Variants in CADM2 observed in about 807,000 individuals in gnomAD.
CADM2 encodes immunoglobulin superfamily member 4D.
CADM2 carries 12 observed loss-of-function variants against 49.8 expected under a neutral mutation model. The ratio of observed to expected loss-of-function variants is 0.24; its 90% CI spans 0.15 to 0.39. CADM2 has a LOEUF of 0.39. Ranked by LOEUF, CADM2 falls within the 10% of genes least tolerant of loss-of-function variation. CADM2 has a pLI of 1.00. For missense variants in CADM2, 378 were observed against 492.3 expected (o/e 0.77, Z 2.20); for synonymous variants, 214 against 175.4 (o/e 1.22, Z -1.74).
At chr3:85,818,223 C>T (rs146305519) in intron 3 of CADM2, among the ~76,000 whole-genome samples, 96 of 152,104 alleles carry the variant, frequency 6.3e-4, no homozygotes, top group African/African-American at 2.3e-3. Flanking sequence ...GGGGGAAAGA[C>T]CTAAGTGAGG....
At chr3:85,558,806 C>T (rs2062021698) in intron 1 of CADM2, among the ~76,000 whole-genome samples, 1 of 151,958 alleles carries the variant, frequency 6.6e-6, no homozygotes, top group Non-Finnish European at 1.5e-5. Flanking sequence ...TAAAGCATCT[C>T]GTTCATTTGG....
At chr3:85,669,546 C>A (rs1028056152) in intron 1 of CADM2, among the ~76,000 whole-genome samples, 1 of 152,074 alleles carries the variant, frequency 6.6e-6, no homozygotes, top group Non-Finnish European at 1.5e-5. Flanking sequence ...GAATGAAGAG[C>A]AATGTGTGTT....
intron 1 of CADM2, among the ~76,000 whole-genome samples, chr3:85,305,996 T>A (rs1253315213): frequency 1.3e-5 from 2 of 151,676 alleles, no homozygotes; most frequent in East Asian, 3.9e-4. Context: ...CATTATGCAG[T>A]GCCTTATACC....
chr3:85,877,682 C>CTTTTTTTT (rs1181629793), intron 3 of CADM2, among the ~76,000 whole-genome samples: 1 of 78,744 alleles, frequency 1.3e-5, no homozygotes, highest in African/African-American at 6.2e-5. Context: ...TTTTTTTCTT[C>CTTTTTTTT]TGTTTTTTTT....
At chr3:84,968,509 G>A (rs2031181444) in intron 1 of CADM2, among the ~76,000 whole-genome samples, 1 of 152,022 alleles carries the variant, frequency 6.6e-6, no homozygotes, top group South Asian at 2.1e-4. Flanking sequence ...GTTTCTGAAG[G>A]CAATTATATA....
At chr3:85,910,892 A>G (rs574044096) in intron 5 of CADM2, among the ~76,000 whole-genome samples, 6 of 152,176 alleles carry the variant, frequency 3.9e-5, no homozygotes, top group African/African-American at 1.2e-4. Flanking sequence ...CATACTTCTG[A>G]AATAAGTGAA....
At chr3:85,726,570 A>T (rs531529010) in intron 2 of CADM2, 22 bp downstream of exon 2, 1 of 1,585,096 alleles carries the variant, frequency 6.3e-7, no homozygotes, top group Non-Finnish European at 8.7e-7. Context: ...TTTATTCTGC[A>T]TGAGTCATCA....
intron 3 of CADM2, among the ~76,000 whole-genome samples, chr3:85,872,958 A>C (rs1029655461): frequency 1.3e-5 from 2 of 152,176 alleles, no homozygotes; most frequent in African/African-American, 4.8e-5. Flanking sequence ...AAAATACCAC[A>C]GACTGGGTAA....
chr3:85,439,410 A>G (rs890988384), intron 1 of CADM2, among the ~76,000 whole-genome samples: 1 of 151,152 alleles, frequency 6.6e-6, no homozygotes, highest in Non-Finnish European at 1.5e-5. Context: ...GCCTCGGCCT[A>G]TCAAAGTGCT....
At chr3:85,697,082 GCCATATATATATAT>G (rs1175435754) in intron 1 of CADM2, among the ~76,000 whole-genome samples, 1 of 141,092 alleles carries the variant, frequency 7.1e-6, no homozygotes, top group South Asian at 2.2e-4. Flanking sequence ...ATATATATAT[GCCATATATATATAT>G]GCCATATATA....
At chr3:85,164,397 A>G (rs1462054228) in intron 1 of CADM2, among the ~76,000 whole-genome samples, 1 of 152,080 alleles carries the variant, frequency 6.6e-6, no homozygotes, top group Admixed American at 6.6e-5. Flanking sequence ...GAGAATTGTG[A>G]AAGATGTGTG....
intron 1 of CADM2, among the ~76,000 whole-genome samples, chr3:85,157,374 A>G (rs528234378): frequency 2.0e-5 from 3 of 151,864 alleles, no homozygotes; most frequent in South Asian, 2.1e-4. Context: ...AAGAGCCCGC[A>G]TCGCCAAGTC....
At chr3:85,573,276 T>G (rs1167134506) in intron 1 of CADM2, among the ~76,000 whole-genome samples, 2 of 151,972 alleles carry the variant, frequency 1.3e-5, no homozygotes, top group African/African-American at 4.8e-5. Flanking sequence ...CACTACAATC[T>G]CTGCTTCCCG....
At chr3:85,728,220 G>T (rs2067784041) in intron 2 of CADM2, among the ~76,000 whole-genome samples, 1 of 152,136 alleles carries the variant, frequency 6.6e-6, no homozygotes, top group Admixed American at 6.5e-5. Flanking sequence ...TATAATGCAA[G>T]CATATTTCTG....
At chr3:85,713,449 C>T (rs796219756) in intron 1 of CADM2, among the ~76,000 whole-genome samples, 11 of 152,136 alleles carry the variant, frequency 7.2e-5, no homozygotes, top group African/African-American at 2.7e-4. Context: ...CGTGCCTAGC[C>T]TAAACCATAG....
chr3:85,599,133 G>A (rs887418808), intron 1 of CADM2, among the ~76,000 whole-genome samples: 1 of 151,848 alleles, frequency 6.6e-6, no homozygotes, highest in Non-Finnish European at 1.5e-5. Context: ...TGCATTTAAG[G>A]AAGATACCTG....
chr3:85,300,847 A>G (rs1038977404), intron 1 of CADM2, among the ~76,000 whole-genome samples: 5 of 151,958 alleles, frequency 3.3e-5, no homozygotes, highest in Admixed American at 6.6e-5. Context: ...GCTTTTTTTC[A>G]TATTTGGAAT....
intron 1 of CADM2, among the ~76,000 whole-genome samples, chr3:85,157,124 A>G (rs558957947): frequency 6.6e-6 from 1 of 152,198 alleles, no homozygotes; most frequent in Admixed American, 6.5e-5. Flanking sequence ...TAGGAATCCA[A>G]CTTACAAGGT....
intron 1 of CADM2, among the ~76,000 whole-genome samples, chr3:85,183,784 CAT>C (rs1272970297): frequency 2.0e-5 from 3 of 152,048 alleles, no homozygotes; most frequent in Non-Finnish European, 4.4e-5. Flanking sequence ...ATTTGTAGAA[CAT>C]AGCTCCAGAA....
Sources: gnomAD v4.1 joint callset for allele counts (sites outside exome capture counted in the v4.1 genomes callset) on GRCh38, gnomAD v4.1.1 for gene constraint, MANE v1.5 for transcripts, NCBI Gene and HGNC (gene_info 2026-07-23, HGNC 2026-07-21) for gene names.